Variants in MAST4 observed in about 807,000 individuals in gnomAD.
MAST4 encodes microtubule associated serine/threonine kinase family member 4.
Under a neutral mutation model 162.7 loss-of-function variants are expected in MAST4, and 89 were observed. The ratio of observed to expected loss-of-function variants is 0.55; its 90% CI spans 0.46 to 0.65. The LOEUF (loss-of-function observed/expected upper bound fraction) is 0.65, where lower values mean the gene tolerates loss of function less well. MAST4 is among the 30% of genes least tolerant of loss of function. The pLI, the probability that MAST4 is intolerant of heterozygous loss-of-function variation, is 0.00. For missense variants in MAST4, 3,153 were observed against 3,374.0 expected, an observed-to-expected ratio of 0.93 and a Z score of 1.62; for synonymous variants, 1,479 against 1,361.1, an observed-to-expected ratio of 1.09 and a Z score of -1.91.
rs79604323 is a variant in MAST4 at position 66,734,634 on chromosome 5, T to C, written c.364-25075T>C. Among the ~76,000 whole-genome samples the C allele has an allele frequency of 6.7e-3, 1,027 of 152,334 alleles. 14 individuals carry two copies. Among genetic ancestry groups the C allele is most frequent in the African/African-American group, 0.024 (982 of 41,562 alleles). On this transcript the variant is annotated intron_variant, in intron 1 of 28. Coordinates refer to ENST00000403625, the MANE Select transcript of MAST4 (RefSeq NM_001164664.2). ...TGTCCAATAGCGCTTTCTGAGATGA[T>C]AGACATGTTCTATATTCTGCAGTGT...
At chr5:66,855,171 A>G (rs1425468820) in intron 3 of MAST4, among the ~76,000 whole-genome samples, 1 of 152,158 alleles carries the variant, frequency 6.6e-6, no homozygotes, top group Non-Finnish European at 1.5e-5. Flanking sequence ...GGGATCCCTC[A>G]TGAATGGCCT....
intron 1 of MAST4, among the ~76,000 whole-genome samples, chr5:66,700,647 G>T (rs1219376134): frequency 6.6e-6 from 1 of 151,806 alleles, no homozygotes; most frequent in Non-Finnish European, 1.5e-5. Context: ...TCATGCCATT[G>T]CATTCCAGCC....
chr5:67,169,020 A>G lies in MAST4; in HGVS notation c.*1969A>G, dbSNP rs1163166415. On this transcript the variant is annotated 3_prime_UTR_variant, in exon 29 of 29. Coordinates refer to ENST00000403625, the MANE Select transcript of MAST4 (RefSeq NM_001164664.2). ...CTGTAAAAATATATATATATACTTT[A>G]CAAGAGTTTACTAATGGATTTCAAA... is the stretch of plus-strand genomic sequence containing the variant. 1 of 152,194 alleles carries G rather than the reference A, an allele frequency of 6.6e-6. No homozygotes were observed. Among genetic ancestry groups the G allele is most frequent in the Non-Finnish European group, 1.5e-5 (1 of 68,022 alleles). 9.4% of individuals were successfully genotyped at this position (152,194 alleles called of 1,614,324 possible). A position where few individuals can be genotyped will look rare whatever the true frequency, so the allele number is the denominator to read the frequency against.
chr5:67,113,977 A>T, intron 11 of MAST4, 110 bp from the exon 12 acceptor site: 3 of 1,206,636 alleles, frequency 2.5e-6, no homozygotes, highest in Non-Finnish European at 3.5e-6. Flanking sequence ...CTGCATAAGT[A>T]ACTTACAGCC....
intron 4 of MAST4, among the ~76,000 whole-genome samples, chr5:66,974,092 T>C (rs1346224024): frequency 2.0e-5 from 3 of 152,174 alleles, no homozygotes; most frequent in African/African-American, 7.2e-5. Flanking sequence ...ATAGTAAATG[T>C]TACTGTATCA....
chr5:66,611,160 C>T lies in MAST4; in HGVS notation c.363+14142C>T, dbSNP rs548611566. Reference sequence around the variant, plus strand: ...TGTTCTCATTTGCATGTTCTGTCTCCTGCTTACCAGCAGACTTTAAGACTT... The same window carrying T: ...TGTTCTCATTTGCATGTTCTGTCTCTTGCTTACCAGCAGACTTTAAGACTT... On this transcript the variant is annotated intron_variant, in intron 1 of 28. Coordinates refer to ENST00000403625, the MANE Select transcript of MAST4 (RefSeq NM_001164664.2). 5.9e-5 allele frequency among the ~76,000 whole-genome samples: 9 copies of T among 152,348 alleles called. No individual in the cohort carries two copies. In the South Asian group the frequency reaches 1.0e-3, roughly 18 times the overall value.
chr5:67,108,671 G>C (rs951625695), intron 10 of MAST4, among the ~76,000 whole-genome samples: 1 of 152,064 alleles, frequency 6.6e-6, no homozygotes, highest in Non-Finnish European at 1.5e-5. Context: ...AAAGTTAACT[G>C]TTTTACTTTT....
rs529971991 is a variant in MAST4 at position 66,996,137 on chromosome 5, C to T, written c.675-58267C>T. 2.0e-4 allele frequency among the ~76,000 whole-genome samples: 30 copies of T among 151,838 alleles called. No homozygotes were observed. In the East Asian group the frequency reaches 3.3e-3, roughly 17 times the overall value. On this transcript the variant is annotated intron_variant, in intron 4 of 28. Coordinates refer to ENST00000403625, the MANE Select transcript of MAST4 (RefSeq NM_001164664.2). The stretch of plus-strand genomic sequence containing the variant: ...TACTAAAAATACACAAAATTAGCTG[C>T]GCATGGTGGCAGGCACGTGTAATCC...
intron 4 of MAST4, among the ~76,000 whole-genome samples, chr5:66,922,034 C>T (rs1764573225): frequency 6.6e-6 from 1 of 152,134 alleles, no homozygotes; most frequent in Non-Finnish European, 1.5e-5. Context: ...AAGCCTCCTA[C>T]ACACAGGAGG....
At chr5:66,998,184 TA>T (rs1490107709) in intron 4 of MAST4, among the ~76,000 whole-genome samples, 2 of 152,208 alleles carry the variant, frequency 1.3e-5, no homozygotes, top group African/African-American at 4.8e-5. Context: ...CTGACCCACT[TA>T]AACCAAATTG....
chr5:67,073,013 G>A (rs1214225095), intron 5 of MAST4, among the ~76,000 whole-genome samples: 1 of 152,206 alleles, frequency 6.6e-6, no homozygotes, highest in Non-Finnish European at 1.5e-5. Flanking sequence ...CTTTTCATGA[G>A]TATGTATATG....
intron 4 of MAST4, among the ~76,000 whole-genome samples, chr5:66,952,191 G>A (rs1449864892): frequency 6.6e-6 from 1 of 152,186 alleles, no homozygotes; most frequent in African/African-American, 2.4e-5. Context: ...AAGCAGGAGA[G>A]AAGGATGAGA....
intron 8 of MAST4, among the ~76,000 whole-genome samples, chr5:67,102,190 G>T (rs1474689489): frequency 6.6e-6 from 1 of 151,820 alleles, no homozygotes; most frequent in African/African-American, 2.4e-5. Context: ...ATTTTATTTT[G>T]CAGTTTGTTA....
At chr5:67,078,927 T>A (rs1366027974) in intron 5 of MAST4, among the ~76,000 whole-genome samples, 9 of 84,286 alleles carry the variant, frequency 1.1e-4, no homozygotes, top group African/African-American at 4.7e-4. Context: ...TATATATATA[T>A]ATATATATAT....
chr5:67,001,732 G>A (rs1251031263), intron 4 of MAST4: 2 of 152,130 alleles, frequency 1.3e-5, no homozygotes, highest in African/African-American at 4.8e-5. Context: ...GGGAGGTATT[G>A]GAGTCCTCAG....
At chr5:67,135,666 TTA>T (rs1347564157) in intron 18 of MAST4, among the ~76,000 whole-genome samples, 2 of 152,228 alleles carry the variant, frequency 1.3e-5, no homozygotes, top group Non-Finnish European at 2.9e-5. Flanking sequence ...GTTTATGGAT[TTA>T]TAACTAGGCT....
chr5:66,852,821 A>G (rs1759411376), intron 3 of MAST4, among the ~76,000 whole-genome samples: 1 of 152,226 alleles, frequency 6.6e-6, no homozygotes, highest in Non-Finnish European at 1.5e-5. Context: ...AATGTAAACT[A>G]TCTTCCCTCC....
chr5:66,658,091 T>A (rs919897379), intron 1 of MAST4, among the ~76,000 whole-genome samples: 1 of 152,224 alleles, frequency 6.6e-6, no homozygotes, highest in East Asian at 1.9e-4. Context: ...GTGCTGCCAC[T>A]TCAGGACCTG....
chr5:66,731,303 C>T (rs777012456), intron 1 of MAST4, among the ~76,000 whole-genome samples: 57 of 147,452 alleles, frequency 3.9e-4, no homozygotes, highest in Non-Finnish European at 6.6e-4. Flanking sequence ...ATCTGCCAGA[C>T]GTTTGCATAT....
Sources: allele counts gnomAD v4.1 joint callset (sites outside exome capture counted in the v4.1 genomes callset), GRCh38; gene constraint gnomAD v4.1.1; transcripts MANE v1.5; gene names NCBI Gene and HGNC (gene_info 2026-07-23, HGNC 2026-07-21).